Variants in PAK2 observed in about 807,000 individuals in gnomAD.
PAK2 encodes p21 (RAC1) activated kinase 2.
A neutral mutation model predicts 65.9 loss-of-function variants in PAK2; 21 were observed. The ratio of observed to expected loss-of-function variants is 0.32; its 90% CI spans 0.23 to 0.46. The LOEUF is 0.46. PAK2 is among the 20% of genes least tolerant of loss of function. PAK2 has a pLI of 1.00. For missense variants in PAK2, 324 were observed against 642.6 expected, an observed-to-expected ratio of 0.50 and a Z score of 5.36; for synonymous variants, 204 against 219.7, an observed-to-expected ratio of 0.93 and a Z score of 0.63.
chr3:196,755,595 A>AC (rs1309453685), intron 1 of PAK2, among the ~76,000 whole-genome samples: 4 of 149,528 alleles, frequency 2.7e-5, no homozygotes, highest in African/African-American at 9.9e-5. Flanking sequence ...AGTAGCTGGG[A>AC]TTATAGGTAT....
In PAK2 at chr3:196,791,880, G is replaced by A. The variant is rs373740913; in HGVS notation, c.187+9047G>A. 3.3e-5 allele frequency among the ~76,000 whole-genome samples: 5 copies of A among 151,304 alleles called. No individual in the cohort carries two copies. Among genetic ancestry groups the A allele is most frequent in the East Asian group, 3.9e-4 (2 of 5,146 alleles). The stretch of plus-strand genomic sequence containing the variant: ...CGGAGCTTGCAGTGGAGCTGTGATC[G>A]CGCCACCGCACTCCAACCTGGGCGA... On this transcript the variant is annotated intron_variant, in intron 2 of 14. Transcript: ENST00000327134. The surrounding 1 kb of genome is among the most constrained non-coding windows in gnomAD (Gnocchi z 4.0).
At chr3:196,823,823 A>AG (rs1162452491) in intron 13 of PAK2, among the ~76,000 whole-genome samples, 1 of 151,764 alleles carries the variant, frequency 6.6e-6, no homozygotes, top group Admixed American at 6.6e-5. Flanking sequence ...AAAAAAAAAA[A>AG]AAAGAAAAAA....
chr3:196,798,053 G>A (rs1229100329), intron 2 of PAK2, among the ~76,000 whole-genome samples: 2 of 152,042 alleles, frequency 1.3e-5, no homozygotes, highest in East Asian at 3.9e-4. Flanking sequence ...TAAACTAGAA[G>A]GGAAGAGCAG....
At chr3:196,774,097 C>G (rs1010443262) in intron 1 of PAK2, among the ~76,000 whole-genome samples, 1 of 152,118 alleles carries the variant, frequency 6.6e-6, no homozygotes, top group African/African-American at 2.4e-5. Context: ...TAAACATTGC[C>G]TAATACATGC....
chr3:196,748,619 A>G (rs1199137264), intron 1 of PAK2, among the ~76,000 whole-genome samples: 1 of 152,190 alleles, frequency 6.6e-6, no homozygotes, highest in Admixed American at 6.5e-5. Flanking sequence ...ACTTAGCAGT[A>G]TGCATCTGAG....
chr3:196,743,394 G>T (rs953460926), intron 1 of PAK2, among the ~76,000 whole-genome samples: 2 of 152,122 alleles, frequency 1.3e-5, no homozygotes, highest in Non-Finnish European at 2.9e-5. Context: ...TTTCTCACCT[G>T]TAAGATGGGG....
intron 1 of PAK2, among the ~76,000 whole-genome samples, chr3:196,753,349 G>T (rs1340067891): frequency 6.6e-6 from 1 of 151,938 alleles, no homozygotes; most frequent in Non-Finnish European, 1.5e-5. Context: ...CTTTCAGGCA[G>T]TCCTCCCATC....
chr3:196,801,360 G>A (rs148224885), intron 2 of PAK2, among the ~76,000 whole-genome samples: 5 of 152,226 alleles, frequency 3.3e-5, no homozygotes, highest in Non-Finnish European at 4.4e-5. Flanking sequence ...CAGGCCTGCC[G>A]TTGGTCACTC....
intron 1 of PAK2, among the ~76,000 whole-genome samples, chr3:196,775,910 G>A (rs1714520871): frequency 6.6e-6 from 1 of 152,158 alleles, no homozygotes; most frequent in Admixed American, 6.5e-5. Flanking sequence ...TGGAAATCTA[G>A]CTGTTGCTTA....
chr3:196,767,779 C>G (rs1714221685), intron 1 of PAK2, among the ~76,000 whole-genome samples: 2 of 152,054 alleles, frequency 1.3e-5, no homozygotes, highest in African/African-American at 4.8e-5. Context: ...CAGGCGTGAG[C>G]CACCGTGCCC....
intron 1 of PAK2, among the ~76,000 whole-genome samples, chr3:196,748,287 C>T (rs1713458214): frequency 6.6e-6 from 1 of 152,168 alleles, no homozygotes; most frequent in South Asian, 2.1e-4. Flanking sequence ...CAACATCCTG[C>T]ATCACTGTGG....
chr3:196,817,990 T>C, intron 11 of PAK2, 67 bp from the exon 12 acceptor site: 1 of 704,446 alleles, frequency 1.4e-6, no homozygotes, highest in Non-Finnish European at 2.6e-6. Context: ...AGGCCATAGC[T>C]ACTGCATGTG....
intron 2 of PAK2, among the ~76,000 whole-genome samples, chr3:196,790,129 ATTAC>A (rs1715022722): frequency 6.6e-6 from 1 of 152,220 alleles, no homozygotes; most frequent in African/African-American, 2.4e-5. Context: ...CAAAGGAGGA[ATTAC>A]TTATGGTTAG....
intron 6 of PAK2, among the ~76,000 whole-genome samples, chr3:196,807,074 G>A (rs764014741): frequency 1.6e-4 from 24 of 152,076 alleles, no homozygotes; most frequent in Non-Finnish European, 3.2e-4. Context: ...TACTCTCAGC[G>A]CCTTGCTGTC....
chr3:196,815,228 T>C (rs78096136), intron 11 of PAK2, among the ~76,000 whole-genome samples: 5 of 150,056 alleles, frequency 3.3e-5, no homozygotes, highest in Non-Finnish European at 4.4e-5. Context: ...TGGTGGCTCA[T>C]GCCTGTAATC....
chr3:196,792,530 C>T (rs1410480262), intron 2 of PAK2, among the ~76,000 whole-genome samples: 2 of 152,108 alleles, frequency 1.3e-5, no homozygotes, highest in South Asian at 2.1e-4. Context: ...AGTTACATGC[C>T]TAGAGAGGAG....
At chr3:196,790,653 C>T (rs1161592595) in intron 2 of PAK2, among the ~76,000 whole-genome samples, 2 of 152,214 alleles carry the variant, frequency 1.3e-5, no homozygotes, top group Admixed American at 6.5e-5. Flanking sequence ...GAATAACTTA[C>T]ACTGACACAG....
intron 2 of PAK2, among the ~76,000 whole-genome samples, chr3:196,790,793 A>T (rs1715042812): frequency 6.6e-6 from 1 of 152,220 alleles, no homozygotes; most frequent in Non-Finnish European, 1.5e-5. Flanking sequence ...AGATTAATTG[A>T]CAAAGGCTTG....
chr3:196,761,823 G>A (rs1400299417), intron 1 of PAK2, among the ~76,000 whole-genome samples: 1 of 103,434 alleles, frequency 9.7e-6, no homozygotes, highest in Non-Finnish European at 2.2e-5. Flanking sequence ...GCGGCTGGCC[G>A]GGCGGGGGGC....
Sources: allele counts gnomAD v4.1 joint callset (sites outside exome capture counted in the v4.1 genomes callset), GRCh38; gene constraint gnomAD v4.1.1; non-coding constraint Gnocchi (gnomAD v3.1); transcripts MANE v1.5; gene names NCBI Gene and HGNC (gene_info 2026-07-23, HGNC 2026-07-21).